Variants in GLDC observed in about 807,000 individuals in gnomAD.
GLDC encodes glycine decarboxylase.
GLDC carries 104 observed loss-of-function variants against 121.3 expected under a neutral mutation model. That is an observed-to-expected ratio of 0.86 (90% CI 0.73 to 1.01). The LOEUF (loss-of-function observed/expected upper bound fraction) is 1.01, where lower values mean the gene tolerates loss of function less well. Among genes scored for constraint, GLDC ranks in the 50% least tolerant of loss-of-function variants. The pLI is 0.00. For missense variants in GLDC, 1,429 were observed against 1,306.6 expected (o/e 1.09, Z -1.44); for synonymous variants, 546 against 480.6 (o/e 1.14, Z -1.78).
At chr9:6,575,643 C>T (rs1420571493) in intron 15 of GLDC, among the ~76,000 whole-genome samples, 1 of 152,232 alleles carries the variant, frequency 6.6e-6, no homozygotes. Flanking sequence ...TCTACATTAA[C>T]AATCACAGTT....
chr9:6,537,233 T>C (rs1353974397), intron 22 of GLDC, among the ~76,000 whole-genome samples: 3 of 152,092 alleles, frequency 2.0e-5, no homozygotes, highest in African/African-American at 4.8e-5. Flanking sequence ...TTTCACCATG[T>C]TGTCCGGGCT....
At chr9:6,591,447 G>C (rs148513755) in intron 11 of GLDC, among the ~76,000 whole-genome samples, 3 of 152,288 alleles carry the variant, frequency 2.0e-5, no homozygotes, top group African/African-American at 7.2e-5. Context: ...ATTCACCACT[G>C]TGTCTTCAGG....
chr9:6,594,192 G>C (rs1044110017), intron 9 of GLDC, among the ~76,000 whole-genome samples: 1 of 151,992 alleles, frequency 6.6e-6, no homozygotes, highest in African/African-American at 2.4e-5. Context: ...GCTTTATTTT[G>C]TATCTCTTTC....
At position 6,625,216 on chromosome 9, in the gene GLDC, G is replaced by T. The variant is rs143392728; in HGVS notation, c.335-4897C>A. The stretch of plus-strand genomic sequence containing the variant: ...TCCCCAACAATCCCTCAGTGACCCG[G>T]CCGGAGGTCAAACCAGCACCGCCAG... On this transcript the variant is annotated intron_variant, in intron 2 of 24. Transcript: ENST00000321612. 2.9e-3 allele frequency among the ~76,000 whole-genome samples: 437 copies of T among 152,184 alleles called. 2 individuals carry two copies. The highest frequency in any genetic ancestry group is 0.01 in the African/African-American group (419 of 41,516).
At chr9:6,568,116 A>G (rs7859893) in intron 15 of GLDC, among the ~76,000 whole-genome samples, 103,091 of 152,080 alleles carry the variant, frequency 0.68, 35,971 homozygotes, top group African/African-American at 0.81. Flanking sequence ...TGAAGGAAGA[A>G]GCAGATTACT....
intron 2 of GLDC, among the ~76,000 whole-genome samples, chr9:6,626,782 G>A (rs868174512): frequency 2.6e-5 from 4 of 152,134 alleles, no homozygotes; most frequent in African/African-American, 9.7e-5. Flanking sequence ...CTACAGCCCA[G>A]TTCCCATCTC....
intron 15 of GLDC, among the ~76,000 whole-genome samples, chr9:6,581,060 C>T (rs970537316): frequency 3.9e-5 from 6 of 152,184 alleles, no homozygotes; most frequent in Non-Finnish European, 8.8e-5. Flanking sequence ...CTGCCAGGCA[C>T]GTTCTTGGTT....
At chr9:6,591,633 A>G (rs901615956) in intron 11 of GLDC, among the ~76,000 whole-genome samples, 1 of 152,056 alleles carries the variant, frequency 6.6e-6, no homozygotes, top group Non-Finnish European at 1.5e-5. Context: ...TGCCCAGGCT[A>G]GAGTGCAATG....
chr9:6,615,705 G>A (rs1326138826), intron 3 of GLDC, among the ~76,000 whole-genome samples: 1 of 150,802 alleles, frequency 6.6e-6, no homozygotes, highest in Admixed American at 6.6e-5. Context: ...CCTCTTCCTG[G>A]GTTCAAGTGA....
intron 2 of GLDC, among the ~76,000 whole-genome samples, chr9:6,640,449 G>C (rs12002500): frequency 0.016 from 2,415 of 152,270 alleles, 66 homozygotes; most frequent in African/African-American, 0.055. Flanking sequence ...AGGAGAGTGC[G>C]CAACCCAACT....
At chr9:6,620,089 G>A in intron 3 of GLDC, 95 bp downstream of exon 3, 1 of 1,212,156 alleles carries the variant, frequency 8.2e-7, no homozygotes, top group Non-Finnish European at 1.2e-6. Flanking sequence ...GTGGGTGTCA[G>A]TGTGGAGGCT....
chr9:6,565,327 G>C, intron 16 of GLDC, 27 bp downstream of exon 16: 1 of 1,554,104 alleles, frequency 6.4e-7, no homozygotes, highest in Non-Finnish European at 8.9e-7. Context: ...CCCATGGTGA[G>C]CAAGCGCCAC....
chr9:6,544,798 T>C (rs1817351969), intron 21 of GLDC, among the ~76,000 whole-genome samples: 1 of 152,170 alleles, frequency 6.6e-6, no homozygotes, highest in Non-Finnish European at 1.5e-5. Context: ...TTTGCAATTC[T>C]TCCTTTAAAA....
intron 2 of GLDC, among the ~76,000 whole-genome samples, chr9:6,644,098 ACTG>A (rs1407668804): frequency 6.6e-6 from 1 of 151,292 alleles, no homozygotes; most frequent in Non-Finnish European, 1.5e-5. Context: ...CTCGAAAAGT[ACTG>A]CTGTCTTTCA....
intron 2 of GLDC, among the ~76,000 whole-genome samples, chr9:6,629,348 G>C (rs971218392): frequency 2.0e-5 from 3 of 151,642 alleles, no homozygotes; most frequent in African/African-American, 7.3e-5. Flanking sequence ...CCGAGTAGCT[G>C]GGATTAGAGG....
chr9:6,587,056 A>G (rs1818285098), intron 15 of GLDC, 85 bp downstream of exon 15: 2 of 1,101,900 alleles, frequency 1.8e-6, no homozygotes, highest in Admixed American at 1.7e-5. Flanking sequence ...AACACAAAAA[A>G]GTTGTTGTTC....
chr9:6,610,899 G>A (rs182428078), intron 3 of GLDC, among the ~76,000 whole-genome samples: 1 of 152,182 alleles, frequency 6.6e-6, no homozygotes, highest in East Asian at 1.9e-4. Flanking sequence ...TGCACTTGAG[G>A]CTACCTATAA....
At chr9:6,587,937 C>T (rs1378866604) in intron 14 of GLDC, among the ~76,000 whole-genome samples, 1 of 151,902 alleles carries the variant, frequency 6.6e-6, no homozygotes, top group Non-Finnish European at 1.5e-5. Context: ...TGGATCCTGG[C>T]CTAGTAGAGA....
At chr9:6,565,272 G>C in intron 16 of GLDC, 82 bp downstream of exon 16, 1 of 943,662 alleles carries the variant, frequency 1.1e-6, no homozygotes, top group Non-Finnish European at 1.8e-6. Flanking sequence ...AAGGCTTGGA[G>C]GGAGTGTCCC....
Sources: allele counts gnomAD v4.1 joint callset (sites outside exome capture counted in the v4.1 genomes callset), GRCh38; gene constraint gnomAD v4.1.1; transcripts MANE v1.5; gene names NCBI Gene and HGNC (gene_info 2026-07-23, HGNC 2026-07-21).